The following GFRAL variants were observed in gnomAD, a reference collection of about 807,000 sequenced individuals.
The protein encoded by GFRAL is GDNF family receptor alpha-like.
In GFRAL, 36 loss-of-function variants were observed where a neutral mutation model predicts 45.4. The ratio of observed to expected loss-of-function variants is 0.79; its 90% CI spans 0.61 to 1.05. The LOEUF (loss-of-function observed/expected upper bound fraction) is 1.05, where lower values mean the gene tolerates loss of function less well. Ranked by LOEUF, GFRAL falls within the 50% of genes least tolerant of loss-of-function variation. GFRAL has a pLI of 0.00. For missense variants in GFRAL, 507 were observed against 467.5 expected (o/e 1.08, Z -0.78); for synonymous variants, 166 against 154.1 (o/e 1.08, Z -0.57).
intron 5 of GFRAL, among the ~76,000 whole-genome samples, chr6:55,357,015 G>A (rs1009906756): frequency 6.6e-6 from 1 of 151,722 alleles, no homozygotes; most frequent in Non-Finnish European, 1.5e-5. Flanking sequence ...AGTTCCTCTT[G>A]TCATTGATTT....
rs1275331428 is a variant in GFRAL, at chr6:55,365,415, A to T, written c.952+6277A>T. The stretch of plus-strand genomic sequence containing the variant: ...GACAATTTGACTTCCTCTTTTCCTA[A>T]TTGAATACCCTTTATTTCCTTCTCC... On this transcript the variant is annotated intron_variant, in intron 6 of 8. Transcript: ENST00000340465. Among the ~76,000 whole-genome samples the T allele has an allele frequency of 4.9e-5, 6 of 121,600 alleles. No homozygotes were observed. In the East Asian group the frequency reaches 1.3e-3, roughly 26 times the overall value. 79.8% of individuals were successfully genotyped at this position (121,600 alleles called of 152,430 possible). A position where few individuals can be genotyped will look rare whatever the true frequency, so the allele number is the denominator to read the frequency against.
chr6:55,370,581 G>T (rs1204271957), intron 6 of GFRAL, among the ~76,000 whole-genome samples: 3 of 152,008 alleles, frequency 2.0e-5, no homozygotes, highest in Non-Finnish European at 4.4e-5. Context: ...CATTTTTCTT[G>T]ATACACACAT....
At chr6:55,385,044 G>A (rs1768661635) in intron 6 of GFRAL, among the ~76,000 whole-genome samples, 1 of 152,148 alleles carries the variant, frequency 6.6e-6, no homozygotes, top group African/African-American at 2.4e-5. Context: ...CTGATGGAAA[G>A]CACTAAGACA....
In GFRAL at chr6:55,393,055, A is replaced by G. The variant is rs184430968; in HGVS notation, c.953-6125A>G. Among the ~76,000 whole-genome samples, 524 of 152,298 alleles carry G rather than the reference A, an allele frequency of 3.4e-3. 3 individuals are homozygous for G. The highest frequency in any genetic ancestry group is 0.012 in the African/African-American group (496 of 41,572). ...TTAGTACTTACATTTATCAACACACAATGTTTTCAGTGTGGTGTTCTCTTG... is the reference window on the plus strand; with the variant it reads ...TTAGTACTTACATTTATCAACACACGATGTTTTCAGTGTGGTGTTCTCTTG... On this transcript the variant is annotated intron_variant, in intron 6 of 8. Transcript: ENST00000340465.
rs1234650477 is a variant in GFRAL, at chr6:55,395,175, A to AATATATATATAT, written c.953-3997_953-3986dup. 3.8e-3 allele frequency among the ~76,000 whole-genome samples: 471 copies of AATATATATATAT among 123,430 alleles called. 3 individuals are homozygous for AATATATATATAT. The highest frequency in any genetic ancestry group is 0.012 in the African/African-American group (338 of 28,892). The allele number at this position is 123,430 out of a possible 152,430, so 81.0% of individuals were successfully genotyped here. ...AATCAGCCTATGGAAAAAAAAAAAA[A>AATATATATATAT]ATATATATATATATATATAAGCCAG... On this transcript the variant is annotated intron_variant, in intron 6 of 8. Transcript: ENST00000340465.
chr6:55,354,833 A>AT (rs34004139), intron 5 of GFRAL, among the ~76,000 whole-genome samples: 1 of 151,840 alleles, frequency 6.6e-6, no homozygotes. Flanking sequence ...CCTGTTCCAA[A>AT]TTTTTCAATT....
chr6:55,396,585 G>T (rs933927272), intron 6 of GFRAL, among the ~76,000 whole-genome samples: 1 of 151,620 alleles, frequency 6.6e-6, no homozygotes, highest in African/African-American at 2.4e-5. Context: ...AACTTAAAAA[G>T]AAGTAAAACT....
intron 6 of GFRAL, among the ~76,000 whole-genome samples, chr6:55,372,644 C>T (rs147951827): frequency 2.5e-3 from 380 of 152,168 alleles, no homozygotes; most frequent in Middle Eastern, 0.01. Flanking sequence ...TTTTATGGTT[C>T]GATGGTGGCA....
intron 3 of GFRAL, among the ~76,000 whole-genome samples, chr6:55,336,570 A>AT (rs1203414892): frequency 1.3e-5 from 2 of 152,130 alleles, no homozygotes; most frequent in African/African-American, 2.4e-5. Flanking sequence ...AATACAATTA[A>AT]TTTTTCTATA....
intron 3 of GFRAL, among the ~76,000 whole-genome samples, chr6:55,341,279 G>A (rs1182811100): frequency 1.3e-5 from 2 of 152,220 alleles, no homozygotes; most frequent in African/African-American, 2.4e-5. Context: ...CCTCCAGTAG[G>A]GGCAGACTGA....
chr6:55,347,321 CA>C (rs1768056710), intron 3 of GFRAL, among the ~76,000 whole-genome samples: 1 of 152,080 alleles, frequency 6.6e-6, no homozygotes, highest in Non-Finnish European at 1.5e-5. Context: ...ATGTCAATGT[CA>C]GGTCTAGAAG....
chr6:55,377,470 G>T (rs775672157), intron 6 of GFRAL, among the ~76,000 whole-genome samples: 2 of 152,074 alleles, frequency 1.3e-5, no homozygotes, highest in Admixed American at 6.6e-5. Flanking sequence ...TGTTTCTACC[G>T]TATGGCCACA....
chr6:55,382,959 T>A (rs1027111672), intron 6 of GFRAL, among the ~76,000 whole-genome samples: 35 of 152,026 alleles, frequency 2.3e-4, no homozygotes, highest in African/African-American at 8.2e-4. Flanking sequence ...ACTTTTTGAA[T>A]AATTATGATG....
chr6:55,338,290 A>T (rs1386007249), intron 3 of GFRAL, among the ~76,000 whole-genome samples: 1 of 151,996 alleles, frequency 6.6e-6, no homozygotes, highest in Non-Finnish European at 1.5e-5. Context: ...TGGTTTTGCC[A>T]TGTTGTCCAG....
chr6:55,360,958 C>G (rs1204087235), intron 6 of GFRAL, among the ~76,000 whole-genome samples: 1 of 151,870 alleles, frequency 6.6e-6, no homozygotes, highest in Admixed American at 6.6e-5. Flanking sequence ...CATCCTAATT[C>G]TAGTTCTAAA....
At chr6:55,347,768 C>G (rs1768062759) in intron 3 of GFRAL, among the ~76,000 whole-genome samples, 1 of 151,932 alleles carries the variant, frequency 6.6e-6, no homozygotes, top group South Asian at 2.1e-4. Context: ...AGATATTACA[C>G]TTTTCTATTT....
intron 6 of GFRAL, among the ~76,000 whole-genome samples, chr6:55,397,012 T>A (rs10948910): frequency 0.043 from 6,506 of 151,928 alleles, 200 homozygotes; most frequent in African/African-American, 0.073. Flanking sequence ...CAGAGAAGTT[T>A]GGACTACAGG....
At chr6:55,346,982 G>A (rs1383699904) in intron 3 of GFRAL, among the ~76,000 whole-genome samples, 1 of 152,024 alleles carries the variant, frequency 6.6e-6, no homozygotes, top group Admixed American at 6.6e-5. Flanking sequence ...TAAGTTGATA[G>A]TGTGACTTTT....
intron 2 of GFRAL, among the ~76,000 whole-genome samples, chr6:55,333,554 A>G (rs1767856047): frequency 6.6e-6 from 1 of 152,290 alleles, no homozygotes; most frequent in African/African-American, 2.4e-5. Flanking sequence ...AGTAGGAAAA[A>G]GCTATTTTGA....
Sources: gnomAD v4.1 joint callset for allele counts (sites outside exome capture counted in the v4.1 genomes callset) on GRCh38, gnomAD v4.1.1 for gene constraint, MANE v1.5 for transcripts, NCBI Gene and HGNC (gene_info 2026-07-23, HGNC 2026-07-21) for gene names.